The following ZNF670 variants were observed in gnomAD, a reference collection of about 807,000 sequenced individuals.
The protein encoded by ZNF670 is zinc finger protein 670.
ZNF670 carries 7 observed loss-of-function variants against 10.9 expected under a neutral mutation model. That is an observed-to-expected ratio of 0.64 (90% CI 0.36 to 1.20). The LOEUF (loss-of-function observed/expected upper bound fraction) is 1.20. ZNF670 is among the 50% of genes most tolerant of loss of function. The probability of loss-of-function intolerance (pLI) is 0.02; values close to 1 mark genes in which losing one functional copy is unlikely to be tolerated. For missense variants in ZNF670, 446 were observed against 458.6 expected (o/e 0.97, Z 0.25); for synonymous variants, 136 against 152.7 (o/e 0.89, Z 0.81).
chr1:247,042,575 A>G (rs1670340998), intron 1 of ZNF670, among the ~76,000 whole-genome samples: 1 of 152,226 alleles, frequency 6.6e-6, no homozygotes, highest in Non-Finnish European at 1.5e-5. Flanking sequence ...AAAGATTTAC[A>G]TGGTTTCAAT....
intron 1 of ZNF670, among the ~76,000 whole-genome samples, chr1:247,059,509 A>G (rs1471954754): frequency 6.6e-6 from 1 of 152,036 alleles, no homozygotes; most frequent in Non-Finnish European, 1.5e-5. Context: ...TAAAATAAAA[A>G]ATATACACCC....
chr1:247,037,226 C>G lies in ZNF670; in HGVS notation c.*223G>C. ...AAAGCGGCTGGGAAAATAAAGTGTT[C>G]TAACACATTTTTCGTATTTTATGAC... is the stretch of plus-strand genomic sequence containing the variant. On this transcript the variant is annotated 3_prime_UTR_variant, in exon 4 of 4. Coordinates refer to ENST00000366503, the MANE Select transcript of ZNF670 (RefSeq NM_033213.5). 2.1e-6 allele frequency: 1 copy of G among 467,266 alleles called. No homozygotes were observed. The highest frequency in any genetic ancestry group is 3.7e-6 in the Non-Finnish European group (1 of 271,638). 28.9% of individuals were successfully genotyped at this position (467,266 alleles called of 1,614,324 possible).
chr1:247,063,150 TA>T (rs1360250922), intron 1 of ZNF670, among the ~76,000 whole-genome samples: 5 of 152,222 alleles, frequency 3.3e-5, no homozygotes, highest in Non-Finnish European at 5.9e-5. Context: ...TCAAATGTTT[TA>T]AAAGTTGCCA....
chr1:247,066,129 T>A (rs1232392770), intron 1 of ZNF670, among the ~76,000 whole-genome samples: 1 of 152,134 alleles, frequency 6.6e-6, no homozygotes, highest in African/African-American at 2.4e-5. Context: ...GTCAGGACGA[T>A]CTTTTGCCCA....
intron 1 of ZNF670, among the ~76,000 whole-genome samples, chr1:247,056,331 A>T (rs1670714125): frequency 6.6e-6 from 1 of 152,210 alleles, no homozygotes; most frequent in African/African-American, 2.4e-5. Context: ...AGTATCAAGC[A>T]TCTTCCCTGA....
At chr1:247,038,508 C>T in intron 3 of ZNF670, 81 bp from the exon 4 acceptor site, 1 of 1,383,236 alleles carries the variant, frequency 7.2e-7, no homozygotes, top group Non-Finnish European at 9.7e-7. Flanking sequence ...ATGCAAGTTT[C>T]CTGCCATATC....
At chr1:247,041,066 A>G (rs1397399922) in intron 1 of ZNF670, among the ~76,000 whole-genome samples, 1 of 152,254 alleles carries the variant, frequency 6.6e-6, no homozygotes, top group Non-Finnish European at 1.5e-5. Flanking sequence ...AAAGCACTTT[A>G]AAACATACAG....
intron 1 of ZNF670, among the ~76,000 whole-genome samples, chr1:247,068,879 C>T (rs1671053299): frequency 7.7e-6 from 1 of 129,532 alleles, no homozygotes; most frequent in Admixed American, 7.6e-5. Context: ...GCAGCAACAA[C>T]ACGGATGGAA....
chr1:247,063,410 C>T (rs778828843), intron 1 of ZNF670, among the ~76,000 whole-genome samples: 8 of 151,760 alleles, frequency 5.3e-5, no homozygotes, highest in East Asian at 1.9e-4. Context: ...GGTGAAACCC[C>T]GTCTCTATTA....
Position 247,037,503 on chromosome 1 carries a change from T to C in ZNF670, c.1116A>G (p.Lys372=), listed in dbSNP as rs1002632866. ...EKPYECKKCG[K]AFSCSSSLRK... ...GAAGGGAACTGGAACAACTGAAGGC[T>C]TTACCACATTTCTTACATTCATAGG... The change falls in exon 4 of 4, where the codon AAA becomes AAG. Residue 372 remains lysine (K), a synonymous_variant. Transcript: ENST00000366503. 1.2e-6 allele frequency: 2 copies of C among 1,614,098 alleles called. No individual in the cohort carries two copies. The highest frequency in any genetic ancestry group is 1.3e-5 in the African/African-American group (1 of 75,062).
chr1:247,049,938 C>A (rs1670552362), intron 1 of ZNF670, among the ~76,000 whole-genome samples: 1 of 152,148 alleles, frequency 6.6e-6, no homozygotes. Context: ...TGTTTTGTGG[C>A]CTATCATATG....
intron 1 of ZNF670, among the ~76,000 whole-genome samples, chr1:247,053,225 A>G (rs1014359974): frequency 1.3e-5 from 2 of 152,220 alleles, no homozygotes; most frequent in African/African-American, 4.8e-5. Flanking sequence ...GAATGCAAGT[A>G]GGGCTTTTAG....
intron 1 of ZNF670, among the ~76,000 whole-genome samples, chr1:247,048,000 T>G (rs4971317): frequency 0.33 from 49,636 of 152,112 alleles, 8,930 homozygotes; most frequent in African/African-American, 0.46. Flanking sequence ...GCAATTAACA[T>G]TTGGCTCCTC....
intron 1 of ZNF670, among the ~76,000 whole-genome samples, chr1:247,057,677 T>C (rs1356672311): frequency 1.3e-5 from 2 of 152,226 alleles, no homozygotes; most frequent in African/African-American, 4.8e-5. Context: ...GATCCATTCA[T>C]TTGCAACAAC....
At chr1:247,067,136 T>C (rs116419263) in intron 1 of ZNF670, among the ~76,000 whole-genome samples, 12 of 152,250 alleles carry the variant, frequency 7.9e-5, no homozygotes, top group Non-Finnish European at 1.8e-4. Context: ...ACTTCCTAAA[T>C]TGATTAAGAC....
intron 1 of ZNF670, among the ~76,000 whole-genome samples, chr1:247,071,861 CTTTT>C (rs1230431011): frequency 2.9e-5 from 4 of 138,976 alleles, no homozygotes; most frequent in Admixed American, 7.2e-5. Flanking sequence ...TTCTTTCTTT[CTTTT>C]TTTTTTTTTT....
At chr1:247,045,470 C>G (rs1162918288) in intron 1 of ZNF670, among the ~76,000 whole-genome samples, 1 of 152,140 alleles carries the variant, frequency 6.6e-6, no homozygotes, top group African/African-American at 2.4e-5. Context: ...CCTTCCTCCT[C>G]CTCTCTCTGA....
chr1:247,058,453 A>G (rs1335284195), intron 1 of ZNF670, among the ~76,000 whole-genome samples: 4 of 152,150 alleles, frequency 2.6e-5, no homozygotes, highest in Non-Finnish European at 5.9e-5. Flanking sequence ...TCAACCTTCC[A>G]TTTTAAGAAA....
At position 247,065,119 on chromosome 1, in the gene ZNF670, G is replaced by A. The variant is rs148006471; in HGVS notation, c.3+13475C>T. On this transcript the variant is annotated intron_variant, in intron 1 of 3. Coordinates refer to ENST00000366503, the MANE Select transcript of ZNF670 (RefSeq NM_033213.5). Reference sequence around the variant, plus strand: ...CACCAGGCCTGGCCGGTCTATGCATGTTCAACCAAGAAAATAAAAAGATGC... The same window carrying A: ...CACCAGGCCTGGCCGGTCTATGCATATTCAACCAAGAAAATAAAAAGATGC... 3.4e-3 allele frequency among the ~76,000 whole-genome samples: 521 copies of A among 152,186 alleles called. 2 individuals are homozygous for A. The highest frequency in any genetic ancestry group is 0.012 in the African/African-American group (493 of 41,518).
Sources: gnomAD v4.1 joint callset for allele counts (sites outside exome capture counted in the v4.1 genomes callset) on GRCh38, gnomAD v4.1.1 for gene constraint, MANE v1.5 for transcripts, NCBI Gene and HGNC (gene_info 2026-07-23, HGNC 2026-07-21) for gene names.